PAK5: variants seen among roughly 807,000 people sequenced by gnomAD.
PAK5 encodes serine/threonine-protein kinase PAK 5.
A neutral mutation model predicts 65.9 loss-of-function variants in PAK5; 16 were observed. That is an observed-to-expected ratio of 0.24 (90% confidence interval 0.16 to 0.37). PAK5 has a LOEUF of 0.37. Ranked by LOEUF, PAK5 falls within the 10% of genes least tolerant of loss-of-function variation. The pLI is 1.00. For missense variants in PAK5, 785 were observed against 903.9 expected, an observed-to-expected ratio of 0.87 and a Z score of 1.69; for synonymous variants, 371 against 354.9, an observed-to-expected ratio of 1.05 and a Z score of -0.51.
At chr20:9,607,748 C>T (rs1031723838) in intron 3 of PAK5, among the ~76,000 whole-genome samples, 1 of 151,874 alleles carries the variant, frequency 6.6e-6, no homozygotes, top group South Asian at 2.1e-4. Flanking sequence ...ATTACTTGAG[C>T]GTGGGAGGTT....
chr20:9,611,868 G>C (rs150462622), intron 3 of PAK5, among the ~76,000 whole-genome samples: 29 of 152,292 alleles, frequency 1.9e-4, no homozygotes, highest in African/African-American at 6.5e-4. Flanking sequence ...ACTTGAGACT[G>C]TCCATTACTC....
chr20:9,754,923 G>A (rs952095105), intron 1 of PAK5, among the ~76,000 whole-genome samples: 5 of 152,106 alleles, frequency 3.3e-5, no homozygotes, highest in Admixed American at 6.6e-5. Flanking sequence ...TTTGTCTATC[G>A]GGAAATGTCT....
At chr20:9,738,869 AT>A (rs1264057688) in intron 1 of PAK5, among the ~76,000 whole-genome samples, 2 of 140,034 alleles carry the variant, frequency 1.4e-5, no homozygotes, top group African/African-American at 2.6e-5. Context: ...AATGCTGTTC[AT>A]TTTTTTAAGG....
chr20:9,612,638 C>G (rs1029542257), intron 3 of PAK5, among the ~76,000 whole-genome samples: 1 of 152,100 alleles, frequency 6.6e-6, no homozygotes, highest in Admixed American at 6.5e-5. Flanking sequence ...ACTCCACCCC[C>G]CCGATCCAAT....
At chr20:9,656,917 G>T (rs991740977) in intron 2 of PAK5, among the ~76,000 whole-genome samples, 1 of 152,098 alleles carries the variant, frequency 6.6e-6, no homozygotes, top group Non-Finnish European at 1.5e-5. Context: ...GTTTTTAAAA[G>T]TACACACATA....
chr20:9,682,447 T>A (rs904469577), intron 2 of PAK5, among the ~76,000 whole-genome samples: 2 of 152,078 alleles, frequency 1.3e-5, no homozygotes, highest in African/African-American at 4.8e-5. Flanking sequence ...GTGAGGTGAA[T>A]CTGACATTCT....
intron 1 of PAK5, among the ~76,000 whole-genome samples, chr20:9,738,279 T>A (rs2048413464): frequency 6.6e-6 from 1 of 152,170 alleles, no homozygotes; most frequent in Non-Finnish European, 1.5e-5. Context: ...ATGTTAAACA[T>A]ATGCCTACTA....
At chr20:9,661,283 T>C (rs1449821914) in intron 2 of PAK5, among the ~76,000 whole-genome samples, 1 of 152,166 alleles carries the variant, frequency 6.6e-6, no homozygotes, top group Non-Finnish European at 1.5e-5. Flanking sequence ...ATATGGCATT[T>C]TGACATGCTG....
intron 3 of PAK5, among the ~76,000 whole-genome samples, chr20:9,617,198 A>G (rs2046672960): frequency 6.6e-6 from 1 of 152,208 alleles, no homozygotes; most frequent in Non-Finnish European, 1.5e-5. Flanking sequence ...TAAAGCTTCA[A>G]TACATCTGAT....
chr20:9,805,958 G>A (rs1022777873), intron 1 of PAK5, among the ~76,000 whole-genome samples: 1 of 151,922 alleles, frequency 6.6e-6, no homozygotes, highest in African/African-American at 2.4e-5. Flanking sequence ...GATGGATGAG[G>A]AGCTAAGATT....
At position 9,539,287 on chromosome 20, in the gene PAK5, C is replaced by G; in HGVS notation, c.*175G>C. ...ACACCGGCTGTCAGTGGAGAGATGCCTGTTTAAGACACAAGAAGATGCCCT... is the reference window on the plus strand; with the variant it reads ...ACACCGGCTGTCAGTGGAGAGATGCGTGTTTAAGACACAAGAAGATGCCCT... On this transcript the variant is annotated 3_prime_UTR_variant, in exon 10 of 10. Coordinates refer to ENST00000353224, the MANE Select transcript of PAK5 (RefSeq NM_177990.4). 1 of 612,504 alleles carries G rather than the reference C, an allele frequency of 1.6e-6. No individual in the cohort carries two copies. The highest frequency in any genetic ancestry group is 2.2e-5 in the South Asian group (1 of 45,132). 37.9% of individuals were successfully genotyped at this position (612,504 alleles called of 1,614,324 possible). A position where few individuals can be genotyped will look rare whatever the true frequency, so the allele number is the denominator to read the frequency against.
intron 6 of PAK5, among the ~76,000 whole-genome samples, chr20:9,560,235 TTTC>T (rs1235791418): frequency 2.6e-5 from 4 of 152,208 alleles, no homozygotes; most frequent in Admixed American, 6.5e-5. Context: ...CGTTGGTGCA[TTTC>T]TTCTTCTACT....
At chr20:9,662,306 C>T (rs538058107) in intron 2 of PAK5, among the ~76,000 whole-genome samples, 6 of 152,116 alleles carry the variant, frequency 3.9e-5, no homozygotes, top group Admixed American at 6.5e-5. Flanking sequence ...AGGATGATGG[C>T]GCTAACAAGA....
At chr20:9,733,771 A>G (rs2043198496) in intron 1 of PAK5, among the ~76,000 whole-genome samples, 2 of 151,992 alleles carry the variant, frequency 1.3e-5, no homozygotes, top group African/African-American at 4.8e-5. Context: ...AAACAACATT[A>G]CTCGTCTTAG....
intron 3 of PAK5, among the ~76,000 whole-genome samples, chr20:9,593,659 G>A (rs1466374935): frequency 6.6e-6 from 1 of 152,120 alleles, no homozygotes; most frequent in East Asian, 1.9e-4. Flanking sequence ...TTCAACCATT[G>A]TGGAAGACAG....
At chr20:9,616,304 C>A (rs1274588723) in intron 3 of PAK5, among the ~76,000 whole-genome samples, 1 of 152,180 alleles carries the variant, frequency 6.6e-6, no homozygotes, top group Non-Finnish European at 1.5e-5. Context: ...AGATGAGGAA[C>A]TGAAAGCACA....
chr20:9,640,991 C>A (rs530067267), intron 3 of PAK5, among the ~76,000 whole-genome samples: 1 of 152,150 alleles, frequency 6.6e-6, no homozygotes, highest in African/African-American at 2.4e-5. Context: ...AATGCTGGCT[C>A]GGGCAGCCTG....
At chr20:9,682,848 A>G (rs1038221400) in intron 2 of PAK5, among the ~76,000 whole-genome samples, 4 of 152,216 alleles carry the variant, frequency 2.6e-5, no homozygotes, top group African/African-American at 7.2e-5. Context: ...GAATGACAAC[A>G]TCTTGTATAT....
At chr20:9,756,228 A>G (rs1414023664) in intron 1 of PAK5, among the ~76,000 whole-genome samples, 1 of 152,224 alleles carries the variant, frequency 6.6e-6, no homozygotes, top group Non-Finnish European at 1.5e-5. Context: ...AAATATGTGG[A>G]AGATAACCTT....
Sources: allele counts gnomAD v4.1 joint callset (sites outside exome capture counted in the v4.1 genomes callset), GRCh38; gene constraint gnomAD v4.1.1; transcripts MANE v1.5; gene names NCBI Gene and HGNC (gene_info 2026-07-23, HGNC 2026-07-21).